Variants in FMR1NB observed in about 807,000 individuals in gnomAD.
FMR1NB encodes the protein FMR1 neighbor protein.
A neutral mutation model predicts 16.8 loss-of-function variants in FMR1NB; 10 were observed. The ratio of observed to expected loss-of-function variants is 0.60; its 90% CI spans 0.37 to 1.01. FMR1NB has a LOEUF of 1.01. Among genes scored for constraint, FMR1NB ranks in the 50% least tolerant of loss-of-function variants. The probability of loss-of-function intolerance (pLI) is 0.01; values close to 1 mark genes in which losing one functional copy is unlikely to be tolerated. For missense variants in FMR1NB, 205 were observed against 204.8 expected, an observed-to-expected ratio of 1.00 and a Z score of 0.00; for synonymous variants, 83 against 79.1, an observed-to-expected ratio of 1.05 and a Z score of -0.26.
chrX:148,019,281 T>A (rs1323540594), intron 4 of FMR1NB, among the ~76,000 whole-genome samples: 1 of 112,641 alleles, frequency 8.9e-6, no homozygotes, highest in African/African-American at 3.2e-5. Context: ...TTTTTCAGTT[T>A]GTCTGATATA....
chrX:147,984,594 G>C (rs959493989), intron 1 of FMR1NB, among the ~76,000 whole-genome samples: 15 of 111,838 alleles, frequency 1.3e-4, no homozygotes, highest in Non-Finnish European at 2.6e-4. Context: ...TAATTTATTA[G>C]CTCTAGTAAG....
chrX:148,021,061 A>G (rs782606737), intron 4 of FMR1NB, among the ~76,000 whole-genome samples: 6 of 112,129 alleles, frequency 5.4e-5, no homozygotes, highest in African/African-American at 1.9e-4. Context: ...GCCAGATTCA[A>G]TCCTGACTAC....
intron 1 of FMR1NB, among the ~76,000 whole-genome samples, chrX:147,982,293 G>GA (rs56291017): frequency 0.37 from 25,837 of 69,467 alleles, 3,176 homozygotes; most frequent in East Asian, 0.68. Context: ...CGTCTAAAAA[G>GA]AAAAAAAAAA....
intron 4 of FMR1NB, among the ~76,000 whole-genome samples, chrX:148,023,959 T>C (rs1480373004): frequency 1.8e-5 from 2 of 111,394 alleles, no homozygotes; most frequent in African/African-American, 6.5e-5. Context: ...TTACTTTCCG[T>C]CTTGGTGCCT....
intron 4 of FMR1NB, among the ~76,000 whole-genome samples, chrX:148,011,971 T>C (rs2044627736): frequency 8.9e-6 from 1 of 111,823 alleles, no homozygotes; most frequent in Non-Finnish European, 1.9e-5. Flanking sequence ...AATTCACTAA[T>C]AGCCATATTA....
intron 4 of FMR1NB, among the ~76,000 whole-genome samples, chrX:148,011,408 A>G (rs2044624129): frequency 1.8e-5 from 2 of 111,724 alleles, no homozygotes; most frequent in African/African-American, 3.3e-5. Flanking sequence ...TTTTTCCACT[A>G]TTGACCATAT....
intron 4 of FMR1NB, among the ~76,000 whole-genome samples, chrX:148,018,262 G>A (rs1398938320): frequency 8.9e-6 from 1 of 111,782 alleles, no homozygotes; most frequent in African/African-American, 3.3e-5. Context: ...TCTCATTGTG[G>A]TTTTGATTTG....
intron 1 of FMR1NB, among the ~76,000 whole-genome samples, chrX:147,988,301 G>T (rs1251053828): frequency 9.2e-6 from 1 of 108,521 alleles, no homozygotes; most frequent in Non-Finnish European, 1.9e-5. Flanking sequence ...ATTCTGGGTT[G>T]AAAATTCTTT....
At chrX:148,009,896 CCTT>C (rs1237365219) in intron 4 of FMR1NB, among the ~76,000 whole-genome samples, 16 of 111,702 alleles carry the variant, frequency 1.4e-4, no homozygotes, top group African/African-American at 5.2e-4. Flanking sequence ...TTTGGCCCTT[CCTT>C]CTTCTCTTCA....
At chrX:147,989,478 G>T (rs2044493010) in intron 1 of FMR1NB, among the ~76,000 whole-genome samples, 1 of 112,165 alleles carries the variant, frequency 8.9e-6, no homozygotes, top group Non-Finnish European at 1.9e-5. Flanking sequence ...AGGCACAGGG[G>T]TCAGGGACCC....
intron 1 of FMR1NB, among the ~76,000 whole-genome samples, chrX:147,996,620 A>G (rs1456713192): frequency 1.8e-5 from 2 of 111,338 alleles, no homozygotes; most frequent in Non-Finnish European, 3.8e-5. Flanking sequence ...AATTTGTAAA[A>G]TGAAAATACA....
chrX:147,982,648 C>T (rs1305383092), intron 1 of FMR1NB, among the ~76,000 whole-genome samples: 1 of 100,574 alleles, frequency 9.9e-6, no homozygotes, highest in African/African-American at 3.7e-5. Flanking sequence ...AATCCCAGCA[C>T]TTTGGGAGGC....
chrX:148,024,375 A>G (rs1380340165), intron 4 of FMR1NB, among the ~76,000 whole-genome samples: 2 of 111,739 alleles, frequency 1.8e-5, no homozygotes, highest in African/African-American at 6.5e-5. Context: ...CCCTTTACCA[A>G]CTGTCCACAC....
chrX:148,000,430 C>G (rs1223015464), intron 1 of FMR1NB, among the ~76,000 whole-genome samples: 2 of 111,727 alleles, frequency 1.8e-5, no homozygotes, highest in African/African-American at 6.5e-5. Context: ...AACTCTTATG[C>G]CAAAATTTAC....
intron 3 of FMR1NB, 29 bp from the exon 4 acceptor site, chrX:148,008,589 A>G (rs1557189349): frequency 1.7e-6 from 2 of 1,178,950 alleles, no homozygotes; most frequent in Admixed American, 4.6e-5. Flanking sequence ...TTAAGTCATG[A>G]AAGTAACAGG....
chrX:147,982,314 C>T (rs1363617516), intron 1 of FMR1NB, among the ~76,000 whole-genome samples: 3 of 31 alleles, frequency 0.097, no homozygotes, highest in African/African-American at 0.27. Flanking sequence ...AAGGACTGGG[C>T]GCAGTGCTCA....
intron 1 of FMR1NB, among the ~76,000 whole-genome samples, chrX:147,989,134 A>C (rs1177321018): frequency 9.0e-6 from 1 of 111,498 alleles, no homozygotes; most frequent in Non-Finnish European, 1.9e-5. Context: ...ATTTTTGTGG[A>C]TTTATCTACC....
chrX:148,006,439 G>A (rs1352137880), intron 2 of FMR1NB, among the ~76,000 whole-genome samples: 1 of 111,993 alleles, frequency 8.9e-6, no homozygotes, highest in Non-Finnish European at 1.9e-5. Context: ...CTCAGCACAT[G>A]ATTTATTGTC....
At chrX:148,014,745 G>C (rs782041203) in intron 4 of FMR1NB, among the ~76,000 whole-genome samples, 3 of 110,008 alleles carry the variant, frequency 2.7e-5, no homozygotes, top group Non-Finnish European at 5.7e-5. Flanking sequence ...CCCGGGCTCC[G>C]GCAATCCTCC....
Sources: allele counts gnomAD v4.1 joint callset (sites outside exome capture counted in the v4.1 genomes callset), GRCh38; gene constraint gnomAD v4.1.1; transcripts MANE v1.5; gene names NCBI Gene and HGNC (gene_info 2026-07-23, HGNC 2026-07-21).